The following JAK1 variants were observed in gnomAD, a reference collection of about 807,000 sequenced individuals.
The protein encoded by JAK1 is tyrosine-protein kinase JAK1.
Under a neutral mutation model 136.6 loss-of-function variants are expected in JAK1, and 16 were observed. The ratio of observed to expected loss-of-function variants is 0.12; its 90% CI spans 0.08 to 0.18. JAK1 has a LOEUF of 0.18. Among genes scored for constraint, JAK1 ranks in the 10% least tolerant of loss-of-function variants. The pLI is 1.00. For missense variants in JAK1, 859 were observed against 1,450.1 expected (o/e 0.59, Z 6.62); for synonymous variants, 492 against 519.5 (o/e 0.95, Z 0.72).
chr1:64,935,684 T>C (rs1018541411), intron 1 of JAK1, among the ~76,000 whole-genome samples: 3 of 152,214 alleles, frequency 2.0e-5, no homozygotes, highest in Admixed American at 2.0e-4. Context: ...GTCTTGGCAG[T>C]CCCTTGATGT....
chr1:64,850,819 C>G lies in JAK1; in HGVS notation c.1740G>C (p.Lys580Asn). 6.2e-7 allele frequency: 1 copy of G among 1,613,506 alleles called. No homozygotes were observed. Among genetic ancestry groups the G allele is most frequent in the Non-Finnish European group, 8.5e-7 (1 of 1,179,412 alleles). The change falls in exon 12 of 25, where the codon AAG becomes AAC. Residue 580 changes from lysine to asparagine, a missense_variant. Around this residue, in one of 4 missense-constraint regions of JAK1, gnomAD observed 409 missense variants for 753.8 expected, o/e 0.54. Transcript: ENST00000342505. ...MSQLSFDRIL[K>N]KDLVQGEHLG... The stretch of plus-strand genomic sequence containing the variant: ...CGTGACTCACCTGCACCAGATCCTT[C>G]TTGAGGATCCGATCGAAACTCAGCT...
At chr1:64,988,153 C>T (rs2100714687) in intron 2 of JAK1, among the ~76,000 whole-genome samples, 1 of 152,256 alleles carries the variant, frequency 6.6e-6, no homozygotes, top group East Asian at 1.9e-4. Context: ...GGAATATTTA[C>T]ACCATGGAAA....
At chr1:64,977,324 T>C (rs1231574230) in intron 2 of JAK1, among the ~76,000 whole-genome samples, 1 of 152,084 alleles carries the variant, frequency 6.6e-6, no homozygotes, top group African/African-American at 2.4e-5. Context: ...AAATTTTGTT[T>C]CATTTTTTGT....
intron 2 of JAK1, among the ~76,000 whole-genome samples, chr1:65,026,064 G>A (rs922789494): frequency 5.3e-5 from 8 of 152,136 alleles, no homozygotes; most frequent in African/African-American, 1.9e-4. Context: ...ATATAAACCT[G>A]TAAAAGTGCC....
intron 11 of JAK1, among the ~76,000 whole-genome samples, chr1:64,853,122 G>C (rs1317820419): frequency 1.3e-5 from 2 of 152,214 alleles, no homozygotes; most frequent in Non-Finnish European, 2.9e-5. Flanking sequence ...GTGGTTAGGA[G>C]AGCAGAGGAG....
chr1:64,874,220 T>C (rs967522402), intron 4 of JAK1, among the ~76,000 whole-genome samples: 2 of 152,216 alleles, frequency 1.3e-5, no homozygotes, highest in Non-Finnish European at 2.9e-5. Context: ...GCCTGTTCTC[T>C]TAACTACTAC....
At chr1:64,950,118 G>A (rs2100569883) in intron 1 of JAK1, among the ~76,000 whole-genome samples, 1 of 152,188 alleles carries the variant, frequency 6.6e-6, no homozygotes. Context: ...AGTAAAAAAT[G>A]TCAACATTAG....
chr1:64,837,981 C>T lies in JAK1; in HGVS notation c.3091G>A (p.Asp1031Asn), dbSNP rs763865501. 3.1e-6 allele frequency: 5 copies of T among 1,614,172 alleles called. No individual in the cohort carries two copies. The Admixed American group carries it at 5.0e-5, about 16-fold the overall frequency. ...TCCTTGACGGTGTAATACTCCTTAT[C>T]GGTTTCAATTGCTTTGGTTAAACCG... ...DFGLTKAIETDKEYYTVKDDR... is the reference protein window; with the variant it reads ...DFGLTKAIETNKEYYTVKDDR... The change falls in exon 22 of 25, where the codon GAT becomes AAT. Residue 1031 changes from aspartate (D) to asparagine (N), a missense_variant. This residue lies in a region of JAK1 where 44 missense variants were observed against 137.6 expected (regional missense o/e 0.32). Coordinates refer to ENST00000342505, the MANE Select transcript of JAK1 (RefSeq NM_002227.4).
chr1:64,916,372 A>G (rs1457878505), intron 1 of JAK1, among the ~76,000 whole-genome samples: 2 of 152,194 alleles, frequency 1.3e-5, no homozygotes, highest in African/African-American at 4.8e-5. Context: ...CAGCTGGGAA[A>G]GGGCCCTACG....
chr1:64,963,660 C>T (rs1053066807), intron 1 of JAK1, among the ~76,000 whole-genome samples: 2 of 152,120 alleles, frequency 1.3e-5, no homozygotes, highest in African/African-American at 4.8e-5. Context: ...GCATTATTTA[C>T]CTGACTTCCC....
intron 1 of JAK1, among the ~76,000 whole-genome samples, chr1:64,923,824 G>A (rs1034541558): frequency 2.0e-5 from 3 of 151,976 alleles, no homozygotes; most frequent in Admixed American, 6.6e-5. Flanking sequence ...GGTTCCCAAC[G>A]CCTCCCACCC....
chr1:65,002,303 C>A (rs1056055223), intron 2 of JAK1: 1 of 152,224 alleles, frequency 6.6e-6, no homozygotes, highest in Admixed American at 6.5e-5. Flanking sequence ...GGCTCGGTAC[C>A]GCCACGCACC....
rs961609078 is a variant in JAK1, at chr1:64,984,521, G to C, written c.-78+59959C>G. On this transcript the variant is annotated intron_variant, in intron 2 of 25. Coordinates refer to the JAK1 transcript ENST00000671954. This position sits in a 1 kb window ranked among gnomAD's most constrained non-coding sequence, Gnocchi z 4.1. The stretch of plus-strand genomic sequence containing the variant: ...AATCAAGTAGCAGCATTCAGAAGCA[G>C]CCCTGGGTTCATCCTTATGAGGTCT... 2 of 317,134 alleles carry C rather than the reference G, an allele frequency of 6.3e-6. No homozygotes were observed. Among genetic ancestry groups the C allele is most frequent in the Admixed American group, 3.5e-5 (1 of 28,678 alleles). The allele number at this position is 317,134 out of a possible 1,614,324, so 19.6% of individuals were successfully genotyped here.
At chr1:64,974,915 TTTTG>T (rs1646484970) in intron 2 of JAK1, among the ~76,000 whole-genome samples, 1 of 152,084 alleles carries the variant, frequency 6.6e-6, no homozygotes, top group Admixed American at 6.6e-5. Context: ...GTTTTTTGTT[TTTTG>T]TTTTTTTGAG....
chr1:65,010,549 G>A (rs1321862719), intron 2 of JAK1, among the ~76,000 whole-genome samples: 2 of 152,212 alleles, frequency 1.3e-5, no homozygotes, highest in African/African-American at 4.8e-5. Context: ...CCTCTGGACT[G>A]TATCGTCCAG....
intron 2 of JAK1, among the ~76,000 whole-genome samples, chr1:64,975,853 G>C (rs1044727164): frequency 6.6e-6 from 1 of 152,176 alleles, no homozygotes; most frequent in Non-Finnish European, 1.5e-5. Context: ...GGGCTGATGA[G>C]GATGGATTCC....
chr1:64,907,865 GC>G (rs1645217356), intron 1 of JAK1, among the ~76,000 whole-genome samples: 1 of 152,080 alleles, frequency 6.6e-6, no homozygotes, highest in Non-Finnish European at 1.5e-5. Context: ...CTACTAAAAA[GC>G]AAAGTAGACC....
chr1:64,881,779 G>T (rs1644776395), intron 3 of JAK1, among the ~76,000 whole-genome samples: 1 of 152,150 alleles, frequency 6.6e-6, no homozygotes, highest in Admixed American at 6.5e-5. Context: ...TTTCCCAGCA[G>T]CTCCTTGGTC....
chr1:64,845,226 G>C (rs534589085), intron 15 of JAK1, among the ~76,000 whole-genome samples: 1 of 152,030 alleles, frequency 6.6e-6, no homozygotes. Flanking sequence ...CACTCAACAC[G>C]TACTGCACTG....
Sources: allele counts gnomAD v4.1 joint callset (sites outside exome capture counted in the v4.1 genomes callset), GRCh38; gene constraint gnomAD v4.1.1; regional missense constraint gnomAD v4.1.1; non-coding constraint Gnocchi (gnomAD v3.1); transcripts MANE v1.5; gene names NCBI Gene and HGNC (gene_info 2026-07-23, HGNC 2026-07-21).